Variants in BACE2 observed in about 807,000 individuals in gnomAD.
BACE2 encodes 56 kDa aspartic-like protease.
BACE2 carries 17 observed loss-of-function variants against 46.2 expected under a neutral mutation model. That is an observed-to-expected ratio of 0.37 (90% CI 0.25 to 0.55). The LOEUF (loss-of-function observed/expected upper bound fraction) is 0.55. Ranked by LOEUF, BACE2 falls within the 20% of genes least tolerant of loss-of-function variation. BACE2 has a pLI of 0.82. For missense variants in BACE2, 595 were observed against 698.1 expected (o/e 0.85, Z 1.66); for synonymous variants, 277 against 295.9 (o/e 0.94, Z 0.66).
intron 1 of BACE2, among the ~76,000 whole-genome samples, chr21:41,217,391 AT>A (rs1986504967): frequency 6.6e-6 from 1 of 152,138 alleles, no homozygotes; most frequent in South Asian, 2.1e-4. Flanking sequence ...TTGTAAAGGA[AT>A]TTTTGTGTGT....
At position 41,226,328 on chromosome 21, in the gene BACE2, C is replaced by T. The variant is rs377004835; in HGVS notation, c.375C>T (p.Tyr125=). The T allele has an allele frequency of 3.1e-6, 5 of 1,613,978 alleles. No homozygotes were observed. The African/African-American group carries it at 4.0e-5, about 13-fold the overall frequency. ...NFAVAGTPHS[Y]IDTYFDTERS... ...CCGTGGCAGGAACCCCGCACTCCTACATAGACACGTACTTTGACACAGAGA... is the reference window on the plus strand; with the variant it reads ...CCGTGGCAGGAACCCCGCACTCCTATATAGACACGTACTTTGACACAGAGA... Residue 125 remains tyrosine, a synonymous_variant, in exon 2 of 9, where the codon TAC becomes TAT. Transcript: ENST00000330333.
intron 2 of BACE2, among the ~76,000 whole-genome samples, chr21:41,228,786 T>C (rs1986892042): frequency 6.6e-6 from 1 of 152,196 alleles, no homozygotes; most frequent in African/African-American, 2.4e-5. Context: ...ACTCTATCAG[T>C]TGCTGATGTG....
At chr21:41,182,182 G>C (rs1985155211) in intron 1 of BACE2, 1 of 167,090 alleles carries the variant, frequency 6.0e-6, no homozygotes, top group Non-Finnish European at 1.5e-5. Context: ...ATTTTAAATA[G>C]GTAGCAGAGG....
chr21:41,242,471 C>T (rs902226842), intron 4 of BACE2, among the ~76,000 whole-genome samples: 4 of 151,972 alleles, frequency 2.6e-5, no homozygotes, highest in Non-Finnish European at 2.9e-5. Context: ...GGGCCGGCAC[C>T]CAGACGTCAA....
At chr21:41,220,245 A>G (rs1986602821) in intron 1 of BACE2, among the ~76,000 whole-genome samples, 1 of 152,172 alleles carries the variant, frequency 6.6e-6, no homozygotes, top group African/African-American at 2.4e-5. Context: ...CGGGAACCTC[A>G]GCTGTCTGGA....
chr21:41,266,166 T>C (rs1029948304), intron 8 of BACE2, among the ~76,000 whole-genome samples: 2 of 152,202 alleles, frequency 1.3e-5, no homozygotes, highest in Non-Finnish European at 2.9e-5. Flanking sequence ...CTTTCTTAAT[T>C]TTTCTTTTCT....
chr21:41,252,926 C>T (rs1568887804), intron 7 of BACE2, among the ~76,000 whole-genome samples: 1 of 152,284 alleles, frequency 6.6e-6, no homozygotes, highest in Admixed American at 6.5e-5. Context: ...AGATACCACG[C>T]TCTCAGGAGA....
Position 41,168,377 on chromosome 21 carries a change from C to T in BACE2, c.114C>T (p.Ala38=), listed in dbSNP as rs751039119. 1.4e-6 allele frequency: 2 copies of T among 1,408,820 alleles called. No homozygotes were observed. Among genetic ancestry groups the T allele is most frequent in the South Asian group, 3.1e-5 (2 of 64,348 alleles). The allele number at this position is 1,408,820 out of a possible 1,614,324, so 87.3% of individuals were successfully genotyped here. A position where few individuals can be genotyped will look rare whatever the true frequency, so the allele number is the denominator to read the frequency against. The change falls in exon 1 of 9, where the codon GCC becomes GCT. Residue 38 remains alanine, a synonymous_variant. Coordinates refer to ENST00000330333, the MANE Select transcript of BACE2 (RefSeq NM_012105.5). ...PFTLPLRVAA[A]TNRVVAPTPG... ...CGCTGCCCCTCCGGGTGGCCGCGGCCACGAACCGCGTAGTTGCGCCCACCC... is the reference window on the plus strand; with the variant it reads ...CGCTGCCCCTCCGGGTGGCCGCGGCTACGAACCGCGTAGTTGCGCCCACCC...
At chr21:41,219,595 T>C (rs909776472) in intron 1 of BACE2, among the ~76,000 whole-genome samples, 1 of 152,206 alleles carries the variant, frequency 6.6e-6, no homozygotes, top group African/African-American at 2.4e-5. Flanking sequence ...GAGAGAACCC[T>C]GTCCTTCAGG....
intron 3 of BACE2, among the ~76,000 whole-genome samples, chr21:41,238,932 A>G (rs964814354): frequency 3.6e-5 from 5 of 138,848 alleles, no homozygotes; most frequent in African/African-American, 1.4e-4. Context: ...GTGCACATGT[A>G]CCCTAAAACT....
intron 1 of BACE2, among the ~76,000 whole-genome samples, chr21:41,221,775 C>G (rs918154195): frequency 2.1e-5 from 3 of 145,788 alleles, no homozygotes; most frequent in African/African-American, 7.7e-5. Flanking sequence ...TTGCAGTGAG[C>G]TGAGATAGAG....
chr21:41,250,535 G>A (rs1423033477), intron 6 of BACE2, among the ~76,000 whole-genome samples: 1 of 152,178 alleles, frequency 6.6e-6, no homozygotes, highest in Non-Finnish European at 1.5e-5. Context: ...TCTAATACTA[G>A]TACTAGTAGG....
intron 1 of BACE2, among the ~76,000 whole-genome samples, chr21:41,169,602 G>T (rs1418276187): frequency 6.6e-6 from 1 of 152,090 alleles, no homozygotes; most frequent in Non-Finnish European, 1.5e-5. Context: ...TTTTGATTCA[G>T]CTATGATTCC....
chr21:41,237,707 T>TA lies in BACE2; in HGVS notation c.597dup (p.Ala200SerfsTer49). On this transcript the variant is annotated frameshift_variant, in exon 3 of 9. Transcript: ENST00000330333. LOFTEE classifies it high-confidence loss of function. Reference sequence around the variant, plus strand: ...ATTAAATGGAATGGAATACTTGGCCTAGCTTATGCCACACTTGCCAAGGTA... The same window carrying TA: ...ATTAAATGGAATGGAATACTTGGCCTAAGCTTATGCCACACTTGCCAAGGTA... 1 of 1,614,024 alleles carries TA rather than the reference T, an allele frequency of 6.2e-7. No homozygotes were observed. Among genetic ancestry groups the TA allele is most frequent in the Non-Finnish European group, 8.5e-7 (1 of 1,179,856 alleles).
rs376515253 is a variant in BACE2 at position 41,275,529 on chromosome 21, G to T, written c.1462G>T (p.Val488Phe). ...VCGAILLVLI[V>F]LLLLPFRCQR... ...TGGAGCCATCCTCCTTGTCTTAATC[G>T]TCCTGCTGCTGCTGCCGTTCCGGTG... The change falls in exon 9 of 9, where the codon GTC becomes TTC. Residue 488 changes from valine to phenylalanine, a missense_variant. Val to Phe is a conservative substitution (Grantham distance 50). Coordinates refer to ENST00000330333, the MANE Select transcript of BACE2 (RefSeq NM_012105.5). 14 of 1,613,892 alleles carry T rather than the reference G, an allele frequency of 8.7e-6. No individual in the cohort carries two copies. The highest frequency in any genetic ancestry group is 5.0e-5 in the Admixed American group (3 of 59,988).
intron 8 of BACE2, among the ~76,000 whole-genome samples, chr21:41,262,039 A>G (rs559684821): frequency 5.3e-5 from 8 of 152,298 alleles, no homozygotes; most frequent in Middle Eastern, 3.4e-3. Context: ...ATATAACCAC[A>G]ATACCATAAT....
At chr21:41,260,484 C>G (rs1425832389) in intron 8 of BACE2, among the ~76,000 whole-genome samples, 3 of 152,182 alleles carry the variant, frequency 2.0e-5, no homozygotes, top group Admixed American at 2.0e-4. Context: ...TGATGAGGCA[C>G]TTAGCCGGGT....
chr21:41,173,794 A>G (rs1212743806), intron 1 of BACE2, among the ~76,000 whole-genome samples: 3 of 152,198 alleles, frequency 2.0e-5, no homozygotes, highest in Non-Finnish European at 4.4e-5. Context: ...TAATTCTAGA[A>G]TTGCTGAAAT....
intron 6 of BACE2, among the ~76,000 whole-genome samples, chr21:41,247,659 G>A (rs747978604): frequency 6.6e-6 from 1 of 152,252 alleles, no homozygotes; most frequent in Non-Finnish European, 1.5e-5. Flanking sequence ...GAGGCGGGGC[G>A]GCGGGGCCGT....
Sources: allele counts gnomAD v4.1 joint callset (sites outside exome capture counted in the v4.1 genomes callset), GRCh38; gene constraint gnomAD v4.1.1; transcripts MANE v1.5; gene names NCBI Gene and HGNC (gene_info 2026-07-23, HGNC 2026-07-21).